Variants in PCDHA5 observed in about 807,000 individuals in gnomAD.
PCDHA5 encodes protocadherin alpha-5.
In PCDHA5, 43 loss-of-function variants were observed where a neutral mutation model predicts 61.6. The observed-to-expected ratio is 0.70, with a 90% CI of 0.55 to 0.90. The LOEUF (loss-of-function observed/expected upper bound fraction) is 0.90. PCDHA5 is among the 40% of genes least tolerant of loss of function. PCDHA5 has a pLI of 0.00. For synonymous variants in PCDHA5, 627 were observed against 543.9 expected (o/e 1.15, Z -2.13); for missense variants, 1,298 against 1,222.7 (o/e 1.06, Z -0.92).
intron 1 of PCDHA5, chr5:140,827,862 T>C (rs1402677549): frequency 1.7e-6 from 1 of 602,742 alleles, no homozygotes; most frequent in Non-Finnish European, 2.9e-6. Flanking sequence ...AAATATATGG[T>C]ATAGCACTGT....
Position 140,829,037 on chromosome 5 carries a change from T to C in PCDHA5, c.2352+4910T>C, listed in dbSNP as rs2150162033. ...TTTGGATTTTGAACAAGAAAACTTA[T>C]ACAAAATCCTCATTGACGCCACGGA... On this transcript the variant is annotated intron_variant, in intron 1 of 3. Coordinates refer to ENST00000529859, the MANE Select transcript of PCDHA5 (RefSeq NM_018908.3). 9.3e-6 allele frequency: 15 copies of C among 1,613,076 alleles called. No homozygotes were observed. Among genetic ancestry groups the C allele is most frequent in the Non-Finnish European group, 1.0e-5 (12 of 1,179,162 alleles).
chr5:140,949,935 T>C (rs1554219235), intron 1 of PCDHA5, among the ~76,000 whole-genome samples: 1 of 151,898 alleles, frequency 6.6e-6, no homozygotes, highest in East Asian at 1.9e-4. Context: ...TTTTTTTTAA[T>C]TTGCATTTTT....
chr5:140,960,519 G>C (rs188949970), intron 1 of PCDHA5, among the ~76,000 whole-genome samples: 19 of 152,198 alleles, frequency 1.2e-4, no homozygotes, highest in Admixed American at 1.2e-3. Context: ...AACATAATGG[G>C]TATAGGAAAG....
chr5:141,008,594 C>A (rs1018305560), intron 3 of PCDHA5, among the ~76,000 whole-genome samples: 1 of 152,214 alleles, frequency 6.6e-6, no homozygotes, highest in African/African-American at 2.4e-5. Context: ...GCAGATTTCA[C>A]CTCCTCTGGA....
intron 1 of PCDHA5, among the ~76,000 whole-genome samples, chr5:140,885,084 A>C (rs1313908585): frequency 6.6e-6 from 1 of 152,198 alleles, no homozygotes; most frequent in South Asian, 2.1e-4. Context: ...AAAGAGCCCC[A>C]TAACTTTTCA....
intron 1 of PCDHA5, chr5:140,835,529 C>A (rs2150237591): frequency 1.2e-6 from 2 of 1,613,850 alleles, no homozygotes; most frequent in Admixed American, 1.7e-5. Context: ...TTGGAGTCAA[C>A]GGACAGGTTA....
At chr5:140,974,108 C>A (rs977903039) in intron 1 of PCDHA5, among the ~76,000 whole-genome samples, 3 of 152,182 alleles carry the variant, frequency 2.0e-5, no homozygotes, top group African/African-American at 7.2e-5. Flanking sequence ...TAAAAGTATT[C>A]TTTTGCAGTG....
At chr5:140,967,253 C>T in intron 1 of PCDHA5, 4 of 1,613,546 alleles carry the variant, frequency 2.5e-6, no homozygotes, top group South Asian at 1.1e-5. Context: ...ATCGGTGGCG[C>T]CTGGAGCGCG....
intron 1 of PCDHA5, among the ~76,000 whole-genome samples, chr5:140,942,047 T>C (rs2093223138): frequency 6.6e-6 from 1 of 152,228 alleles, no homozygotes; most frequent in African/African-American, 2.4e-5. Context: ...TGGTCTATTA[T>C]GAAATGTTTG....
chr5:140,963,895 T>C (rs1331133094), intron 1 of PCDHA5, among the ~76,000 whole-genome samples: 2 of 152,224 alleles, frequency 1.3e-5, no homozygotes, highest in Non-Finnish European at 2.9e-5. Flanking sequence ...TTAATTAAAA[T>C]GAGTAAAGTG....
At chr5:140,864,945 C>A (rs2048665503) in intron 1 of PCDHA5, 1 of 152,120 alleles carries the variant, frequency 6.6e-6, no homozygotes, top group African/African-American at 2.4e-5. Flanking sequence ...GGCCTGTAAT[C>A]CCAGCATTTT....
At chr5:140,906,753 T>G (rs2072907402) in intron 1 of PCDHA5, among the ~76,000 whole-genome samples, 1 of 152,224 alleles carries the variant, frequency 6.6e-6, no homozygotes, top group Non-Finnish European at 1.5e-5. Context: ...CAGGGCATGG[T>G]AATACTAAGA....
intron 1 of PCDHA5, among the ~76,000 whole-genome samples, chr5:140,893,569 A>G (rs750933580): frequency 3.3e-5 from 5 of 152,120 alleles, no homozygotes; most frequent in Non-Finnish European, 7.4e-5. Flanking sequence ...GTACTTCCTC[A>G]GTTTTTGCTT....
intron 1 of PCDHA5, among the ~76,000 whole-genome samples, chr5:140,974,881 C>A (rs191346198): frequency 6.6e-6 from 1 of 152,228 alleles, no homozygotes; most frequent in African/African-American, 2.4e-5. Flanking sequence ...GTCTATGTAT[C>A]CCTTTTCTGA....
chr5:140,877,288 T>G (rs782747810), intron 1 of PCDHA5: 3 of 1,613,908 alleles, frequency 1.9e-6, no homozygotes, highest in East Asian at 4.5e-5. Flanking sequence ...CTATAACGCT[T>G]GGCTGTCCTA....
intron 1 of PCDHA5, among the ~76,000 whole-genome samples, chr5:140,889,953 A>G (rs2062443064): frequency 6.6e-6 from 1 of 152,214 alleles, no homozygotes; most frequent in Non-Finnish European, 1.5e-5. Context: ...AGCCAAATGG[A>G]TAGAAAAATT....
intron 1 of PCDHA5, chr5:140,928,268 G>A: frequency 6.2e-7 from 1 of 1,614,164 alleles, no homozygotes; most frequent in Non-Finnish European, 8.5e-7. Context: ...GAAAACAATG[G>A]CCCTGGGGCC....
At position 140,879,168 on chromosome 5, in the gene PCDHA5, A is replaced by G. The variant is rs2057882676; in HGVS notation, c.2352+55041A>G. Among the ~76,000 whole-genome samples, 5 of 152,334 alleles carry G rather than the reference A, an allele frequency of 3.3e-5. 1 individual carries two copies. Among genetic ancestry groups the G allele is most frequent in the Admixed American group, 6.5e-5 (1 of 15,308 alleles). On this transcript the variant is annotated intron_variant, in intron 1 of 3. Coordinates refer to ENST00000529859, the MANE Select transcript of PCDHA5 (RefSeq NM_018908.3). ...AGGAAAGCTATTTCTTTTTTAATAAATTAGGTATCAAGTAATGGAGACTTA... is the reference window on the plus strand; with the variant it reads ...AGGAAAGCTATTTCTTTTTTAATAAGTTAGGTATCAAGTAATGGAGACTTA...
intron 1 of PCDHA5, among the ~76,000 whole-genome samples, chr5:140,901,699 A>G (rs1373176124): frequency 6.6e-6 from 1 of 152,124 alleles, no homozygotes; most frequent in East Asian, 1.9e-4. Context: ...TTGTAGTTCT[A>G]TATACATTTT....
Sources: gnomAD v4.1 joint callset for allele counts (sites outside exome capture counted in the v4.1 genomes callset) on GRCh38, gnomAD v4.1.1 for gene constraint, MANE v1.5 for transcripts, NCBI Gene and HGNC (gene_info 2026-07-23, HGNC 2026-07-21) for gene names.